Variants in PIEZO2 observed in about 807,000 individuals in gnomAD.
The protein encoded by PIEZO2 is piezo type mechanosensitive ion channel component 2, also known as piezo-type mechanosensitive ion channel component 2.
A neutral mutation model predicts 337.3 loss-of-function variants in PIEZO2; 172 were observed. The ratio of observed to expected loss-of-function variants is 0.51; its 90% confidence interval spans 0.45 to 0.58. The LOEUF is 0.58. PIEZO2 is among the 20% of genes least tolerant of loss of function. The probability of loss-of-function intolerance (pLI) is 0.00; values close to 1 mark genes in which losing one functional copy is unlikely to be tolerated. For synonymous variants in PIEZO2, 1,251 were observed against 1,228.5 expected, an observed-to-expected ratio of 1.02 and a Z score of -0.38; for missense variants, 3,028 against 3,391.3, an observed-to-expected ratio of 0.89 and a Z score of 2.66.
At chr18:10,760,699 G>A (rs1337019007) in intron 24 of PIEZO2, among the ~76,000 whole-genome samples, 2 of 152,240 alleles carry the variant, frequency 1.3e-5, no homozygotes, top group Non-Finnish European at 2.9e-5. Flanking sequence ...AGAGGCCAAG[G>A]CACTGCTGTG....
At chr18:10,961,000 A>C (rs976192073) in intron 3 of PIEZO2, among the ~76,000 whole-genome samples, 13 of 152,086 alleles carry the variant, frequency 8.5e-5, no homozygotes, top group Non-Finnish European at 1.5e-4. Flanking sequence ...AACATGGTGA[A>C]GCCTCGTCTC....
intron 2 of PIEZO2, among the ~76,000 whole-genome samples, chr18:11,065,472 C>T (rs1275594528): frequency 6.6e-6 from 1 of 152,206 alleles, no homozygotes; most frequent in Non-Finnish European, 1.5e-5. Context: ...AATTCACAAA[C>T]CAGAGCATGT....
intron 3 of PIEZO2, among the ~76,000 whole-genome samples, chr18:10,921,981 G>A (rs2031446542): frequency 6.6e-6 from 1 of 152,118 alleles, no homozygotes; most frequent in South Asian, 2.1e-4. Flanking sequence ...CCTGTCTCCT[G>A]ATAAGATGTT....
intron 2 of PIEZO2, among the ~76,000 whole-genome samples, chr18:11,007,262 A>C (rs577810405): frequency 6.6e-6 from 1 of 152,244 alleles, no homozygotes; most frequent in Non-Finnish European, 1.5e-5. Flanking sequence ...CACTTAAGGA[A>C]AGTTAATAAA....
chr18:10,720,591 A>G (rs2036269953), intron 36 of PIEZO2, among the ~76,000 whole-genome samples: 1 of 149,854 alleles, frequency 6.7e-6, no homozygotes, highest in Non-Finnish European at 1.5e-5. Context: ...CCAAGTAGCT[A>G]GGACAAGTGT....
Position 10,870,644 on chromosome 18 carries a change from A to G in PIEZO2, c.492+609T>C, listed in dbSNP as rs1177676609. ...AGGACGAAAATAGGACAAGCTTCCA[A>G]TTCAGCAGTTGCTCCTGAAACCTTT... On this transcript the variant is annotated intron_variant, in intron 5 of 55. Coordinates refer to ENST00000674853, the MANE Select transcript of PIEZO2 (RefSeq NM_001378183.1). The surrounding 1 kb of genome is among the most constrained non-coding windows in gnomAD (Gnocchi z 5.3). 6.6e-6 allele frequency among the ~76,000 whole-genome samples: 1 copy of G among 151,832 alleles called. No individual in the cohort carries two copies. Among genetic ancestry groups the G allele is most frequent in the Non-Finnish European group, 1.5e-5 (1 of 67,794 alleles).
At chr18:10,958,193 C>T (rs974563686) in intron 3 of PIEZO2, among the ~76,000 whole-genome samples, 7 of 152,116 alleles carry the variant, frequency 4.6e-5, no homozygotes, top group African/African-American at 1.4e-4. Context: ...GAATACTATA[C>T]AGTCTTTAAA....
intron 7 of PIEZO2, among the ~76,000 whole-genome samples, chr18:10,827,744 A>G (rs771041737): frequency 6.6e-6 from 1 of 152,238 alleles, no homozygotes; most frequent in Admixed American, 6.5e-5. Context: ...GATGAAGGCA[A>G]CTACAACCTT....
chr18:10,814,016 G>A (rs1419612878), intron 7 of PIEZO2, among the ~76,000 whole-genome samples: 1 of 151,206 alleles, frequency 6.6e-6, no homozygotes, highest in African/African-American at 2.4e-5. Context: ...GGCCCAGGCT[G>A]GAGTGCAGTG....
intron 38 of PIEZO2, 81 bp downstream of exon 38, chr18:10,715,569 C>A: frequency 7.6e-7 from 1 of 1,309,798 alleles, no homozygotes; most frequent in African/African-American, 1.5e-5. Context: ...TTTGTCTTAT[C>A]CTACCTGGAG....
chr18:10,885,039 C>A (rs1382800933), intron 4 of PIEZO2, among the ~76,000 whole-genome samples: 1 of 152,018 alleles, frequency 6.6e-6, no homozygotes, highest in Admixed American at 6.6e-5. Flanking sequence ...TTGTATAGGC[C>A]TGTGTATCTT....
chr18:11,083,108 T>C lies in PIEZO2; in HGVS notation c.65-16886A>G, dbSNP rs1338295296. On this transcript the variant is annotated intron_variant, in intron 1 of 55. Coordinates refer to ENST00000674853, the MANE Select transcript of PIEZO2 (RefSeq NM_001378183.1). The surrounding 1 kb of genome is among the most constrained non-coding windows in gnomAD (Gnocchi z 4.4). ...TATGGTTCTGGGTGGCCCATGGGAA[T>C]CCCATGCTAAGCATCCATCACCGTT... 6.6e-6 allele frequency among the ~76,000 whole-genome samples: 1 copy of C among 152,160 alleles called. No individual in the cohort carries two copies. Among genetic ancestry groups the C allele is most frequent in the East Asian group, 1.9e-4 (1 of 5,198 alleles).
In PIEZO2 at chr18:10,854,844, G is replaced by C. The variant is rs1165491815; in HGVS notation, c.917+509C>G. Among the ~76,000 whole-genome samples the C allele has an allele frequency of 6.6e-6, 1 of 152,210 alleles. No individual in the cohort carries two copies. Reference sequence around the variant, plus strand: ...CGCTCCCACTTCAGCCTCCTGAGTAGCTGGGACCACAGGTGTGCGCCCTCA... The same window carrying C: ...CGCTCCCACTTCAGCCTCCTGAGTACCTGGGACCACAGGTGTGCGCCCTCA... On this transcript the variant is annotated intron_variant, in intron 7 of 55. Transcript: ENST00000674853. This position sits in a 1 kb window ranked among gnomAD's most constrained non-coding sequence, Gnocchi z 4.6.
chr18:10,736,428 G>C (rs924052318), intron 34 of PIEZO2, among the ~76,000 whole-genome samples, 176 bp downstream of exon 34: 2 of 152,130 alleles, frequency 1.3e-5, no homozygotes, highest in Non-Finnish European at 2.9e-5. Context: ...TTACGGTGTT[G>C]CTGGGAGCAG....
rs1192268727 is a variant in PIEZO2 at position 10,746,522 on chromosome 18, T to C, written c.4424+1949A>G. Among the ~76,000 whole-genome samples the C allele has an allele frequency of 6.6e-6, 1 of 152,228 alleles. No homozygotes were observed. Among genetic ancestry groups the C allele is most frequent in the Non-Finnish European group, 1.5e-5 (1 of 68,050 alleles). ...TGCAGCTGGTTATATTCCCTTGATG[T>C]GACCTCATGGCTCCCGGAGTGTCTC... On this transcript the variant is annotated intron_variant, in intron 30 of 55. Transcript: ENST00000674853. This position sits in a 1 kb window ranked among gnomAD's most constrained non-coding sequence, Gnocchi z 4.2.
intron 21 of PIEZO2, among the ~76,000 whole-genome samples, chr18:10,764,315 A>G (rs2038263108): frequency 1.3e-5 from 2 of 152,212 alleles, no homozygotes; most frequent in South Asian, 4.1e-4. Flanking sequence ...TGTGGGCTCT[A>G]AAAGACATAG....
chr18:10,688,332 G>A (rs999280659), intron 49 of PIEZO2, among the ~76,000 whole-genome samples: 4 of 152,178 alleles, frequency 2.6e-5, no homozygotes, highest in African/African-American at 7.2e-5. Flanking sequence ...CAAACGACAC[G>A]ATCTCCTTCT....
chr18:10,729,348 G>C (rs887067170), intron 36 of PIEZO2, among the ~76,000 whole-genome samples: 9 of 151,622 alleles, frequency 5.9e-5, no homozygotes, highest in Non-Finnish European at 1.2e-4. Flanking sequence ...AATACAGGCC[G>C]GGCACAGTGG....
rs1470921338 is a variant in PIEZO2 at position 10,814,813 on chromosome 18, G to A, written c.918-7539C>T. On this transcript the variant is annotated intron_variant, in intron 7 of 55. Transcript: ENST00000674853. ...TCAGTGGCCATGATGACTGGCCAAT[G>A]AGACACACTCATGGGCTCAACTGAG... 3.3e-5 allele frequency among the ~76,000 whole-genome samples: 5 copies of A among 152,160 alleles called. 1 individual carries two copies.
Sources: allele counts gnomAD v4.1 joint callset (sites outside exome capture counted in the v4.1 genomes callset), GRCh38; gene constraint gnomAD v4.1.1; non-coding constraint Gnocchi (gnomAD v3.1); transcripts MANE v1.5; gene names NCBI Gene and HGNC (gene_info 2026-07-23, HGNC 2026-07-21).